Variants in KIF21B observed in about 807,000 individuals in gnomAD.
KIF21B encodes the protein kinesin-like protein KIF21B.
KIF21B carries 85 observed loss-of-function variants against 192.9 expected under a neutral mutation model. That is an observed-to-expected ratio of 0.44 (90% confidence interval 0.37 to 0.53). The LOEUF (loss-of-function observed/expected upper bound fraction) is 0.53, where lower values mean the gene tolerates loss of function less well. KIF21B is among the 20% of genes least tolerant of loss of function. The pLI, the probability that KIF21B is intolerant of heterozygous loss-of-function variation, is 0.00. For missense variants in KIF21B, 1,716 were observed against 2,194.8 expected (o/e 0.78, Z 4.36); for synonymous variants, 832 against 884.6 (o/e 0.94, Z 1.05).
rs778836144 is a variant in KIF21B at position 201,005,570 on chromosome 1, G to C, written c.572C>G (p.Ser191Cys). The change falls in exon 4 of 35, where the codon TCT becomes TGT. Residue 191 changes from serine to cysteine, a missense_variant. Physicochemically the swap from Ser to Cys is moderately radical, Grantham distance 112 (BLOSUM62 -1). This residue lies in a region of KIF21B where 1,087 missense variants were observed against 1,316.6 expected (regional missense o/e 0.83). Coordinates refer to ENST00000461742, the MANE Select transcript of KIF21B (RefSeq NM_001252102.2). ...NGGIYTTGVT[S>C]RLIHSQEELI... is the part of the protein sequence containing the mutation. ...CTCCTCCTGGGAGTGGATGAGGCGA[G>C]AAGTGACGCCAGTGGTGTAGATGCC... 24 of 1,613,986 alleles carry C rather than the reference G, an allele frequency of 1.5e-5. No homozygotes were observed. Among genetic ancestry groups the C allele is most frequent in the Non-Finnish European group, 2.0e-5 (24 of 1,179,978 alleles).
At chr1:201,020,316 C>G (rs11586763) in intron 1 of KIF21B, among the ~76,000 whole-genome samples, 29,452 of 152,120 alleles carry the variant, frequency 0.19, 3,571 homozygotes, top group Non-Finnish European at 0.28. Flanking sequence ...CTTTCTCGCC[C>G]CATTTGTCAG....
chr1:201,000,465 G>T lies in KIF21B; in HGVS notation c.1610C>A (p.Ala537Asp). Residue 537 changes from alanine (A) to aspartate (D), a missense_variant, in exon 11 of 35, where the codon GCC (alanine) becomes GAC (aspartate). This residue lies in a region of KIF21B where 1,087 missense variants were observed against 1,316.6 expected (regional missense o/e 0.83). Transcript: ENST00000461742. The surrounding 1 kb of genome is among the most constrained non-coding windows in gnomAD (Gnocchi z 6.0). The part of the protein sequence containing the change: ...GGSPASSMED[A>D]SEVIRRAKQD... ...CTTGGCCCTGCGGATCACCTCCGAG[G>T]CATCCTCCATGGAGCTGGCAGGGCT... The T allele has an allele frequency of 6.3e-7, 1 of 1,598,420 alleles. No individual in the cohort carries two copies. The highest frequency in any genetic ancestry group is 1.1e-5 in the South Asian group (1 of 89,720).
intron 14 of KIF21B, among the ~76,000 whole-genome samples, chr1:200,996,760 G>C (rs1247661896): frequency 6.6e-6 from 1 of 152,182 alleles, no homozygotes; most frequent in Non-Finnish European, 1.5e-5. Flanking sequence ...GGAAGAGTTT[G>C]CAAGAGAAGA....
chr1:200,982,075 C>G lies in KIF21B; in HGVS notation c.3843-979G>C, dbSNP rs1354813839. Among the ~76,000 whole-genome samples the G allele has an allele frequency of 6.6e-6, 1 of 152,182 alleles. No individual in the cohort carries two copies. The highest frequency in any genetic ancestry group is 1.9e-4 in the East Asian group (1 of 5,196). ...GTGGCGCTTCTGGCACAGCTCCCCCCAGACTCTGCCAGGCCCACCCTTGAG... is the reference window on the plus strand; with the variant it reads ...GTGGCGCTTCTGGCACAGCTCCCCCGAGACTCTGCCAGGCCCACCCTTGAG... On this transcript the variant is annotated intron_variant, in intron 28 of 34. Coordinates refer to ENST00000461742, the MANE Select transcript of KIF21B (RefSeq NM_001252102.2). The surrounding 1 kb of genome is among the most constrained non-coding windows in gnomAD (Gnocchi z 4.7).
At chr1:200,996,522 C>T in intron 14 of KIF21B, 127 bp from the exon 15 acceptor site, 2 of 779,262 alleles carry the variant, frequency 2.6e-6, no homozygotes, top group South Asian at 3.3e-5. Context: ...GCAAGTCACA[C>T]CCCTCTCTGA....
chr1:201,009,049 A>G, intron 2 of KIF21B, 98 bp from the exon 3 acceptor site: 1 of 1,394,378 alleles, frequency 7.2e-7, no homozygotes, highest in Non-Finnish European at 9.7e-7. Flanking sequence ...TCTACCTCCC[A>G]GCCCGGTTCC....
intron 9 of KIF21B, 33 bp downstream of exon 9, chr1:201,002,128 T>C (rs1317952557): frequency 3.7e-6 from 6 of 1,602,844 alleles, no homozygotes; most frequent in Non-Finnish European, 4.3e-6. Context: ...AGCCCGTTGG[T>C]GCTCTGACCT....
intron 21 of KIF21B, among the ~76,000 whole-genome samples, chr1:200,989,709 C>CAG (rs1656550740): frequency 6.6e-6 from 1 of 152,236 alleles, no homozygotes; most frequent in Non-Finnish European, 1.5e-5. Context: ...GGTGCCAGGC[C>CAG]ACGTCCCTTA....
intron 6 of KIF21B, 47 bp downstream of exon 6, chr1:201,004,719 G>C: frequency 6.2e-7 from 1 of 1,611,712 alleles, no homozygotes; most frequent in South Asian, 1.1e-5. Context: ...AGGGGTCTGA[G>C]ACTGAGCTGT....
In KIF21B at chr1:200,975,062, C is replaced by T; in HGVS notation, c.4615-149G>A. The stretch of plus-strand genomic sequence containing the variant: ...GGGCGGGTGACACTGGTTCCAGGAG[C>T]CATGCTGGGGTGGCCTGTGCTGTGG... On this transcript the variant is annotated intron_variant, in intron 33 of 34. Transcript: ENST00000461742. The surrounding 1 kb of genome is among the most constrained non-coding windows in gnomAD (Gnocchi z 4.3). 1.3e-6 allele frequency: 1 copy of T among 767,486 alleles called. No individual in the cohort carries two copies. The highest frequency in any genetic ancestry group is 1.7e-5 in the South Asian group (1 of 58,454). 47.5% of individuals were successfully genotyped at this position (767,486 alleles called of 1,614,324 possible).
chr1:200,990,346 G>T lies in KIF21B; in HGVS notation c.2836-14C>A. ...CTCCTCCCTTTTCTGGGGTCAGAGGGGAGGGTGGTGATTGTGATGAAGGAG... is the reference window on the plus strand; with the variant it reads ...CTCCTCCCTTTTCTGGGGTCAGAGGTGAGGGTGGTGATTGTGATGAAGGAG... On this transcript the variant is annotated splice_polypyrimidine_tract_variant and intron_variant, in intron 19 of 34. Coordinates refer to ENST00000461742, the MANE Select transcript of KIF21B (RefSeq NM_001252102.2). This position sits in a 1 kb window ranked among gnomAD's most constrained non-coding sequence, Gnocchi z 5.4. 6.3e-7 allele frequency: 1 copy of T among 1,592,480 alleles called. No homozygotes were observed.
At position 200,996,316 on chromosome 1, in the gene KIF21B, C is replaced by T. The variant is rs1004598140; in HGVS notation, c.2157G>A (p.Arg719=). 2 of 1,614,016 alleles carry T rather than the reference C, an allele frequency of 1.2e-6. No individual in the cohort carries two copies. The highest frequency in any genetic ancestry group is 2.7e-5 in the African/African-American group (2 of 74,912). The stretch of plus-strand genomic sequence containing the variant: ...GGGCGGCCTGCAGCTTCTGCAGGTC[C>T]CGGTTCATCTCCCGCAGCCTCTTCT... The part of the protein sequence containing the change: ...DYEKRLREMN[R]DLQKLQAAQK... The change falls in exon 15 of 35, where the codon CGG becomes CGA. Residue 719 remains arginine (R), a synonymous_variant. Coordinates refer to ENST00000461742, the MANE Select transcript of KIF21B (RefSeq NM_001252102.2).
At chr1:201,016,710 G>A (rs1406617731) in intron 1 of KIF21B, among the ~76,000 whole-genome samples, 2 of 152,168 alleles carry the variant, frequency 1.3e-5, no homozygotes, top group African/African-American at 2.4e-5. Context: ...TGGGGGCAGT[G>A]CCATCAGAGC....
In KIF21B at chr1:200,979,674, T is replaced by G. The variant is rs749879726; in HGVS notation, c.4021A>C (p.Ile1341Leu). The change falls in exon 30 of 35, where the codon ATC (isoleucine) becomes CTC (leucine). Residue 1341 changes from isoleucine to leucine, a missense_variant. Ile to Leu is a conservative substitution (Grantham distance 5, BLOSUM62 2). Transcript: ENST00000461742. ...TTGGGGTGGCCCTTTAGAGCTGCGA[T>G]CTCCTGTCCCGTAACCAAGTTCCAC... ...KMWNLVTGQEIAALKGHPNNV... is the reference protein window; with the variant it reads ...KMWNLVTGQELAALKGHPNNV... The G allele has an allele frequency of 6.4e-7, 1 of 1,570,678 alleles. No homozygotes were observed. Among genetic ancestry groups the G allele is most frequent in the Non-Finnish European group, 8.6e-7 (1 of 1,157,928 alleles).
chr1:200,991,628 G>A, intron 17 of KIF21B, 29 bp downstream of exon 17: 1 of 1,610,608 alleles, frequency 6.2e-7, no homozygotes, highest in Non-Finnish European at 8.5e-7. Flanking sequence ...GCAGGGCCAG[G>A]GCCTCGCCAG....
rs1360446574 is a variant in KIF21B at position 201,023,524 on chromosome 1, T to G, written c.-141A>C. The G allele has an allele frequency of 2.6e-5, 10 of 382,398 alleles. No homozygotes were observed. Among genetic ancestry groups the G allele is most frequent in the Non-Finnish European group, 3.6e-5 (9 of 251,480 alleles). 23.7% of individuals were successfully genotyped at this position (382,398 alleles called of 1,614,324 possible). ...GCGGCGGCGGCGGCTGGAGGTGACA[T>G]GCTCGCGGGCGGCAGGCCGAGGGGC... On this transcript the variant is annotated 5_prime_UTR_variant, in exon 1 of 35. An upstream start codon of the reference 5' UTR is lost. Transcript: ENST00000461742. This position sits in a 1 kb window ranked among gnomAD's most constrained non-coding sequence, Gnocchi z 5.9.
At chr1:201,007,351 CATAG>C (rs1416301851) in intron 3 of KIF21B, among the ~76,000 whole-genome samples, 4 of 61,172 alleles carry the variant, frequency 6.5e-5, no homozygotes, top group African/African-American at 1.7e-4. Flanking sequence ...CACAGAGACA[CATAG>C]ACACACACAC....
chr1:200,989,507 A>T (rs1656531449), intron 21 of KIF21B, among the ~76,000 whole-genome samples: 1 of 152,204 alleles, frequency 6.6e-6, no homozygotes, highest in African/African-American at 2.4e-5. Context: ...GAGGAGCCCA[A>T]GAAATGTCGA....
In KIF21B at chr1:200,991,105, C is replaced by T. The variant is rs375901875; in HGVS notation, c.2499G>A (p.Val833=). The change falls in exon 18 of 35, where the codon GTG becomes GTA. Residue 833 remains valine (V), a synonymous_variant. Transcript: ENST00000461742. ...RRLAKPMSER[V]AGRAGLKPPM... Reference sequence around the variant, plus strand: ...GTGGCTTTAGTCCTGCACGCCCTGCCACCCGCTCAGACATGGGCTTGGCCA... The same window carrying T: ...GTGGCTTTAGTCCTGCACGCCCTGCTACCCGCTCAGACATGGGCTTGGCCA... 3.1e-6 allele frequency: 5 copies of T among 1,613,752 alleles called. No homozygotes were observed. In the African/African-American group the frequency reaches 6.7e-5, roughly 22 times the overall value.
Sources: allele counts gnomAD v4.1 joint callset (sites outside exome capture counted in the v4.1 genomes callset), GRCh38; gene constraint gnomAD v4.1.1; regional missense constraint gnomAD v4.1.1; non-coding constraint Gnocchi (gnomAD v3.1); transcripts MANE v1.5; gene names NCBI Gene and HGNC (gene_info 2026-07-23, HGNC 2026-07-21).